The following THOC1 variants were observed in gnomAD, a reference collection of about 807,000 sequenced individuals.
THOC1 encodes THO complex 1.
In THOC1, 29 loss-of-function variants were observed where a neutral mutation model predicts 97.3. The ratio of observed to expected loss-of-function variants is 0.30; its 90% CI spans 0.22 to 0.41. THOC1 has a LOEUF of 0.41. Among genes scored for constraint, THOC1 ranks in the 10% least tolerant of loss-of-function variants. The pLI is 1.00. For synonymous variants in THOC1, 255 were observed against 257.0 expected, an observed-to-expected ratio of 0.99 and a Z score of 0.07; for missense variants, 529 against 761.9, an observed-to-expected ratio of 0.69 and a Z score of 3.60.
intron 13 of THOC1, 84 bp from the exon 14 acceptor site, chr18:225,223 T>G (rs1309473965): frequency 2.6e-6 from 4 of 1,525,018 alleles, no homozygotes; most frequent in Non-Finnish European, 3.6e-6. Context: ...AAGGAGTGTT[T>G]GTGGTCTTGT....
At chr18:231,080 T>C (rs1441120609) in intron 11 of THOC1, among the ~76,000 whole-genome samples, 2 of 152,182 alleles carry the variant, frequency 1.3e-5, no homozygotes, top group Admixed American at 1.3e-4. Flanking sequence ...TGTCTTTGTA[T>C]CTTGAGCAAA....
chr18:264,008 A>G lies in THOC1; in HGVS notation c.256+18T>C, dbSNP rs779272980. 18 of 1,596,330 alleles carry G rather than the reference A, an allele frequency of 1.1e-5. No individual in the cohort carries two copies. The highest frequency in any genetic ancestry group is 1.5e-5 in the Non-Finnish European group (17 of 1,166,450). On this transcript the variant is annotated intron_variant, in intron 4 of 20. Transcript: ENST00000261600. ...GTCCAAGATTACTTTAAACAAAACAAAACGGAACCATACTTACCTTCAGTT... is the reference window on the plus strand; with the variant it reads ...GTCCAAGATTACTTTAAACAAAACAGAACGGAACCATACTTACCTTCAGTT...
At position 224,910 on chromosome 18, in the gene THOC1, C is replaced by G; in HGVS notation, c.1208+14G>C. On this transcript the variant is annotated intron_variant, in intron 15 of 20. Coordinates refer to ENST00000261600, the MANE Select transcript of THOC1 (RefSeq NM_005131.3). Reference sequence around the variant, plus strand: ...GATGAGTATGTATTTACCTTTCTTTCAGTATGTATTTACCTTTCTTTCACA... The same window carrying G: ...GATGAGTATGTATTTACCTTTCTTTGAGTATGTATTTACCTTTCTTTCACA... The G allele has an allele frequency of 3.2e-6, 5 of 1,558,070 alleles. No individual in the cohort carries two copies. Among genetic ancestry groups the G allele is most frequent in the Non-Finnish European group, 3.5e-6 (4 of 1,148,072 alleles).
At chr18:224,779 C>CTTA (rs1394223156) in intron 15 of THOC1, 145 bp downstream of exon 15, 18 of 680,650 alleles carry the variant, frequency 2.6e-5, no homozygotes, top group Admixed American at 1.1e-4. Context: ...TGGTTGTACT[C>CTTA]TTACAAAGTT....
At position 260,153 on chromosome 18, in the gene THOC1, A is replaced by G. The variant is rs1278098595; in HGVS notation, c.375+33T>C. The stretch of plus-strand genomic sequence containing the variant: ...CAGAATTCTGGATCTATAGAAAGAT[A>G]AAGTTAGCAGGAAAAGAAACTAAGG... On this transcript the variant is annotated intron_variant, in intron 5 of 20. Coordinates refer to ENST00000261600, the MANE Select transcript of THOC1 (RefSeq NM_005131.3). 4.4e-6 allele frequency: 6 copies of G among 1,357,224 alleles called. No homozygotes were observed. In the East Asian group the frequency reaches 7.9e-5, roughly 18 times the overall value. 84.1% of individuals were successfully genotyped at this position (1,357,224 alleles called of 1,614,324 possible). A position where few individuals can be genotyped will look rare whatever the true frequency, so the allele number is the denominator to read the frequency against.
At chr18:267,824 C>T in intron 1 of THOC1, 142 bp downstream of exon 1, 1 of 869,514 alleles carries the variant, frequency 1.2e-6, no homozygotes, top group Non-Finnish European at 1.7e-6. Context: ...TACCCCTCAA[C>T]CTCCGACGGG....
chr18:246,400 G>C lies in THOC1; in HGVS notation c.842C>G (p.Ala281Gly), dbSNP rs750734146. 3.8e-6 allele frequency: 6 copies of C among 1,599,542 alleles called. No individual in the cohort carries two copies. The South Asian group carries it at 6.7e-5, about 18-fold the overall frequency. The change falls in exon 11 of 21, where the codon GCC becomes GGC. Residue 281 changes from alanine to glycine, a missense_variant. This residue lies in a region of THOC1 where 92 missense variants were observed against 127.0 expected (regional missense o/e 0.72). Transcript: ENST00000261600. Reference protein sequence around the residue: ...FKSYKLDDTQASRKKMEELKT... With the variant: ...FKSYKLDDTQGSRKKMEELKT... Reference sequence around the variant, plus strand: ...CAATTCTTCCATCTTTTTTCTTGAGGCCTGAGTATCATCTAATTTATAACT... The same window carrying C: ...CAATTCTTCCATCTTTTTTCTTGAGCCCTGAGTATCATCTAATTTATAACT...
intron 9 of THOC1, among the ~76,000 whole-genome samples, chr18:249,913 G>GT (rs564435278): frequency 4.7e-4 from 71 of 152,282 alleles, no homozygotes; most frequent in Non-Finnish European, 8.7e-4. Flanking sequence ...TACCAGGAAA[G>GT]TTTGTCTCTT....
At chr18:230,088 TC>T (rs1410350159) in intron 11 of THOC1, among the ~76,000 whole-genome samples, 4 of 152,196 alleles carry the variant, frequency 2.6e-5, no homozygotes, top group African/African-American at 7.2e-5. Context: ...TGACACCTGA[TC>T]AGATTTCATG....
chr18:230,805 A>T (rs1008748266), intron 11 of THOC1, among the ~76,000 whole-genome samples: 15 of 152,216 alleles, frequency 9.9e-5, no homozygotes, highest in Non-Finnish European at 1.6e-4. Context: ...GCACCATCAT[A>T]GCTCACTGCA....
At chr18:251,424 G>A (rs1171103353) in intron 9 of THOC1, among the ~76,000 whole-genome samples, 1 of 152,216 alleles carries the variant, frequency 6.6e-6, no homozygotes, top group African/African-American at 2.4e-5. Context: ...ACACCTGGAA[G>A]AGTGCCAGTG....
intron 11 of THOC1, among the ~76,000 whole-genome samples, chr18:243,203 A>G (rs1911967561): frequency 6.6e-6 from 1 of 152,202 alleles, no homozygotes; most frequent in South Asian, 2.1e-4. Context: ...GATATTAATT[A>G]ATGAAATTTC....
At chr18:266,739 G>A (rs904833567) in intron 1 of THOC1, among the ~76,000 whole-genome samples, 4 of 152,230 alleles carry the variant, frequency 2.6e-5, no homozygotes, top group South Asian at 2.1e-4. Flanking sequence ...GCTTTGCCAT[G>A]TTGGCCAGGC....
chr18:267,853 G>T, intron 1 of THOC1, 113 bp downstream of exon 1: 1 of 1,119,866 alleles, frequency 8.9e-7, no homozygotes, highest in Non-Finnish European at 1.2e-6. Flanking sequence ...CGGACGCTGA[G>T]GCGGACACAC....
At position 259,048 on chromosome 18, in the gene THOC1, A is replaced by G. The variant is rs1024039599; in HGVS notation, c.520+132T>C. The G allele has an allele frequency of 4.5e-6, 3 of 664,882 alleles. No individual in the cohort carries two copies. The African/African-American group carries it at 5.5e-5, about 12-fold the overall frequency. The allele number at this position is 664,882 out of a possible 1,614,324, so 41.2% of individuals were successfully genotyped here. A position where few individuals can be genotyped will look rare whatever the true frequency, so the allele number is the denominator to read the frequency against. The stretch of plus-strand genomic sequence containing the variant: ...GCTATACATTTATAAGTAAAAGAAA[A>G]TAAAGTGACAATTTCTATGATGTCT... On this transcript the variant is annotated intron_variant, in intron 7 of 20. Transcript: ENST00000261600.
chr18:256,407 C>T (rs1169770674), intron 7 of THOC1, among the ~76,000 whole-genome samples: 1 of 152,172 alleles, frequency 6.6e-6, no homozygotes, highest in East Asian at 1.9e-4. Flanking sequence ...AACTGCAGAT[C>T]TACGTAGTAG....
intron 11 of THOC1, among the ~76,000 whole-genome samples, chr18:237,734 T>C (rs975453218): frequency 6.6e-6 from 1 of 152,198 alleles, no homozygotes; most frequent in Non-Finnish European, 1.5e-5. Context: ...GACTAAACTG[T>C]ACAATAGTTT....
chr18:232,358 A>G (rs1911514015), intron 11 of THOC1, among the ~76,000 whole-genome samples: 1 of 152,120 alleles, frequency 6.6e-6, no homozygotes, highest in African/African-American at 2.4e-5. Context: ...TTGGCCTCCC[A>G]AAGTGCTGGG....
At chr18:220,736 C>A (rs1184359699) in intron 17 of THOC1, among the ~76,000 whole-genome samples, 1 of 151,628 alleles carries the variant, frequency 6.6e-6, no homozygotes, top group East Asian at 1.9e-4. Flanking sequence ...GGTTGATTCA[C>A]TCTCACAGAT....
Sources: allele counts gnomAD v4.1 joint callset (sites outside exome capture counted in the v4.1 genomes callset), GRCh38; gene constraint gnomAD v4.1.1; regional missense constraint gnomAD v4.1.1; transcripts MANE v1.5; gene names NCBI Gene and HGNC (gene_info 2026-07-23, HGNC 2026-07-21).